LOXHD1: variants seen among roughly 807,000 people sequenced by gnomAD.
LOXHD1 encodes the protein lipoxygenase homology PLAT domains 1.
In LOXHD1, 205 loss-of-function variants were observed where a neutral mutation model predicts 248.2. That is an observed-to-expected ratio of 0.83 (90% CI 0.74 to 0.93). The LOEUF (loss-of-function observed/expected upper bound fraction) is 0.93. Among genes scored for constraint, LOXHD1 ranks in the 40% least tolerant of loss-of-function variants. The pLI, the probability that LOXHD1 is intolerant of heterozygous loss-of-function variation, is 0.00. For missense variants in LOXHD1, 2,930 were observed against 2,971.6 expected, an observed-to-expected ratio of 0.99 and a Z score of 0.33; for synonymous variants, 1,113 against 1,162.8, an observed-to-expected ratio of 0.96 and a Z score of 0.87.
intron 21 of LOXHD1, among the ~76,000 whole-genome samples, chr18:46,549,075 C>G (rs529502023): frequency 1.3e-5 from 2 of 152,142 alleles, no homozygotes; most frequent in African/African-American, 2.4e-5. Flanking sequence ...ATTTAGGACA[C>G]CAGGCCTACT....
intron 40 of LOXHD1, among the ~76,000 whole-genome samples, chr18:46,482,400 T>G (rs1255963078): frequency 6.6e-6 from 1 of 152,076 alleles, no homozygotes; most frequent in Non-Finnish European, 1.5e-5. Flanking sequence ...CTCTGCCACG[T>G]GAGGACACAG....
At chr18:46,578,558 A>G (rs1335206159) in intron 13 of LOXHD1, among the ~76,000 whole-genome samples, 1 of 152,090 alleles carries the variant, frequency 6.6e-6, no homozygotes, top group Non-Finnish European at 1.5e-5. Flanking sequence ...ATTTTTTGCC[A>G]CTGCAGCCTT....
At chr18:46,617,591 T>C (rs1169369864) in intron 5 of LOXHD1, among the ~76,000 whole-genome samples, 2 of 152,094 alleles carry the variant, frequency 1.3e-5, no homozygotes, top group Non-Finnish European at 2.9e-5. Context: ...TTCTTTAGTA[T>C]ATTGTTACAA....
chr18:46,547,428 G>C lies in LOXHD1; in HGVS notation c.3351-370C>G, dbSNP rs188780478. ...CTAGCCAGGGCTACTTTAGTAGAGA[G>C]GGTTGTACATAGTAGGTGCACAATA... On this transcript the variant is annotated intron_variant, in intron 21 of 40. Transcript: ENST00000642948. Among the ~76,000 whole-genome samples the C allele has an allele frequency of 1.7e-3, 252 of 152,320 alleles. 2 individuals carry two copies. The highest frequency in any genetic ancestry group is 5.9e-3 in the African/African-American group (247 of 41,564).
intron 18 of LOXHD1, 131 bp from the exon 19 acceptor site, chr18:46,560,676 C>T: frequency 1.2e-6 from 1 of 837,470 alleles, no homozygotes; most frequent in Non-Finnish European, 1.8e-6. Context: ...GCTGGGGCCT[C>T]TGTGCTCAGA....
intron 29 of LOXHD1, among the ~76,000 whole-genome samples, chr18:46,526,463 C>T (rs1450087082): frequency 2.6e-5 from 4 of 152,158 alleles, no homozygotes; most frequent in African/African-American, 4.8e-5. Context: ...AGTAATACCA[C>T]GGAATGGCTT....
At chr18:46,557,894 T>C in intron 20 of LOXHD1, 1 of 1,111,504 alleles carries the variant, frequency 9.0e-7, no homozygotes, top group Non-Finnish European at 1.1e-6. Flanking sequence ...CATATTTGTA[T>C]TAAGTACCTG....
At chr18:46,478,069 T>TC in intron 40 of LOXHD1, 117 bp from the exon 41 acceptor site, 3 of 1,337,746 alleles carry the variant, frequency 2.2e-6, no homozygotes, top group Non-Finnish European at 3.0e-6. Flanking sequence ...GGTGATGGGA[T>TC]ATTGGAGCTG....
At chr18:46,631,578 C>CA (rs1238291496) in intron 4 of LOXHD1, among the ~76,000 whole-genome samples, 2 of 151,908 alleles carry the variant, frequency 1.3e-5, no homozygotes, top group African/African-American at 4.8e-5. Flanking sequence ...GGGTGGCATG[C>CA]AAAAAAGAGG....
intron 12 of LOXHD1, among the ~76,000 whole-genome samples, chr18:46,582,301 T>C (rs974211694): frequency 6.6e-6 from 1 of 152,118 alleles, no homozygotes; most frequent in South Asian, 2.1e-4. Flanking sequence ...CAAACCTATA[T>C]TGGAACAAAG....
chr18:46,588,037 A>T (rs1431947307), intron 12 of LOXHD1, among the ~76,000 whole-genome samples: 1 of 152,176 alleles, frequency 6.6e-6, no homozygotes, highest in Non-Finnish European at 1.5e-5. Flanking sequence ...CGTGAGTCTA[A>T]GACTCTCCTC....
Position 46,592,036 on chromosome 18 carries a change from C to T in LOXHD1, c.1551G>A (p.Lys517=), listed in dbSNP as rs1599034231. Residue 517 remains lysine, a synonymous_variant, in exon 12 of 41, where the codon AAG becomes AAA. Transcript: ENST00000642948. ...GCCAGCGGTTGCAATTGAAGTTGTA[C>T]TTGTCTTTGTTCAGAGTGTTCATCA... is the stretch of plus-strand genomic sequence containing the variant. ...MTLMNTLNKD[K]YNFNCNRWLD... The T allele has an allele frequency of 1.3e-6, 2 of 1,552,290 alleles. No individual in the cohort carries two copies. The highest frequency in any genetic ancestry group is 2.4e-5 in the South Asian group (2 of 84,066).
intron 28 of LOXHD1, among the ~76,000 whole-genome samples, chr18:46,529,821 G>A (rs1053987488): frequency 4.6e-5 from 7 of 151,930 alleles, no homozygotes; most frequent in Non-Finnish European, 7.4e-5. Flanking sequence ...ATTTCCTCAC[G>A]TTCATTTATT....
At chr18:46,557,570 A>T in intron 20 of LOXHD1, 81 bp from the exon 21 acceptor site, 1 of 1,519,958 alleles carries the variant, frequency 6.6e-7, no homozygotes, top group Non-Finnish European at 8.9e-7. Context: ...CCCAAGAACC[A>T]GGGCAGCCAG....
rs760293539 is a variant in LOXHD1, at chr18:46,538,326, C to T, written c.3925G>A (p.Glu1309Lys). ...TRLYTPFVPY[E>K]ITLYTSDVFA... is the part of the protein sequence containing the mutation. ...ACATCACTGGTGTAGAGGGTGATCT[C>T]GTAAGGAACAACTGAGGGTGGTGGT... is the stretch of plus-strand genomic sequence containing the variant. Residue 1309 changes from glutamate (E) to lysine (K), a missense_variant, in exon 26 of 41, where the codon GAG becomes AAG. Physicochemically the swap from Glu to Lys is moderately conservative, Grantham distance 56. Transcript: ENST00000642948. 1.1e-5 allele frequency: 17 copies of T among 1,548,416 alleles called. No individual in the cohort carries two copies. The highest frequency in any genetic ancestry group is 1.4e-5 in the African/African-American group (1 of 72,964).
intron 33 of LOXHD1, 54 bp downstream of exon 33, chr18:46,521,043 C>T: frequency 6.5e-7 from 1 of 1,526,732 alleles, no homozygotes; most frequent in South Asian, 1.2e-5. Context: ...CTGCTCCCCA[C>T]CTCAACCTGC....
intron 28 of LOXHD1, among the ~76,000 whole-genome samples, chr18:46,530,323 G>A (rs79633474): frequency 0.013 from 1,940 of 152,300 alleles, 45 homozygotes; most frequent in African/African-American, 0.044. Context: ...TGCACACAGG[G>A]ACCCTATAGG....
intron 21 of LOXHD1, among the ~76,000 whole-genome samples, chr18:46,553,911 A>C (rs1347774623): frequency 6.6e-6 from 1 of 152,150 alleles, no homozygotes; most frequent in Non-Finnish European, 1.5e-5. Context: ...AAAGGCCTTG[A>C]GGTGGGACCA....
chr18:46,603,892 A>G (rs2038375068), intron 7 of LOXHD1, among the ~76,000 whole-genome samples: 1 of 152,172 alleles, frequency 6.6e-6, no homozygotes. Context: ...GGCAGTTAGT[A>G]TCTGCTTAGC....
Sources: allele counts gnomAD v4.1 joint callset (sites outside exome capture counted in the v4.1 genomes callset), GRCh38; gene constraint gnomAD v4.1.1; transcripts MANE v1.5; gene names NCBI Gene and HGNC (gene_info 2026-07-23, HGNC 2026-07-21).